GLIS3: variants seen among roughly 807,000 people sequenced by gnomAD.
The protein encoded by GLIS3 is zinc finger protein GLIS3.
Under a neutral mutation model 78.6 loss-of-function variants are expected in GLIS3, and 53 were observed. The observed-to-expected ratio is 0.67, with a 90% CI of 0.54 to 0.85. GLIS3 has a LOEUF of 0.85. GLIS3 is among the 40% of genes least tolerant of loss of function. GLIS3 has a pLI of 0.00. For missense variants in GLIS3, 1,703 were observed against 1,231.1 expected, an observed-to-expected ratio of 1.38 and a Z score of -5.74; for synonymous variants, 684 against 509.9, an observed-to-expected ratio of 1.34 and a Z score of -4.60.
At chr9:3,845,332 G>T (rs376615676) in intron 9 of GLIS3, among the ~76,000 whole-genome samples, 2 of 152,076 alleles carry the variant, frequency 1.3e-5, no homozygotes, top group Non-Finnish European at 2.9e-5. Context: ...GGTGCAGAAC[G>T]TGAGGCCATT....
the GLIS3 span, among the ~76,000 whole-genome samples, chr9:4,435,675 C>CT: frequency 6.6e-6 from 1 of 152,188 alleles, no homozygotes; most frequent in Non-Finnish European, 1.5e-5. Flanking sequence ...CTAGGCCAGG[C>CT]GCGGTGGCTC....
At position 3,937,160 on chromosome 9, in the gene GLIS3, C is replaced by A; in HGVS notation, c.1740G>T (p.Arg580Ser). ...GCAAGTGGATCTTGAGATTTTCAAG[C>A]CTTGAAAAGGCCTTCTCGCAACCTT... ...TFEGCEKAFS[R>S]LENLKIHLRS... Residue 580 changes from arginine to serine, a missense_variant, in exon 5 of 11, where the codon AGG becomes AGT. Coordinates refer to ENST00000381971, the MANE Select transcript of GLIS3 (RefSeq NM_001042413.2). The A allele has an allele frequency of 6.2e-7, 1 of 1,614,076 alleles. No homozygotes were observed. The highest frequency in any genetic ancestry group is 8.5e-7 in the Non-Finnish European group (1 of 1,180,016).
intron 6 of GLIS3, among the ~76,000 whole-genome samples, chr9:3,915,750 G>A (rs1824467653): frequency 6.6e-6 from 1 of 152,170 alleles, no homozygotes; most frequent in South Asian, 2.1e-4. Context: ...GACATGGCAG[G>A]AAGCTAGTAC....
Position 4,299,549 on chromosome 9 carries a change from C to T in GLIS3, c.-227G>A, listed in dbSNP as rs921984261. On this transcript the variant is annotated 5_prime_UTR_variant, in exon 1 of 11. Transcript: ENST00000381971. ...GGGGCTCCAGCCCTTCAGAGCGCTC[C>T]GCGGGCTGTGCCTCCTTCGGAAATG... The T allele has an allele frequency of 4.6e-5, 7 of 152,608 alleles. No individual in the cohort carries two copies. Among genetic ancestry groups the T allele is most frequent in the Non-Finnish European group, 7.3e-5 (5 of 68,038 alleles). The allele number at this position is 152,608 out of a possible 1,614,324, so 9.5% of individuals were successfully genotyped here. A position where few individuals can be genotyped will look rare whatever the true frequency, so the allele number is the denominator to read the frequency against.
At chr9:4,246,598 A>G (rs999926727) in intron 2 of GLIS3, among the ~76,000 whole-genome samples, 2 of 152,166 alleles carry the variant, frequency 1.3e-5, no homozygotes, top group African/African-American at 2.4e-5. Flanking sequence ...GCAGCAAAGC[A>G]TTTTCCAAAC....
intron 4 of GLIS3, among the ~76,000 whole-genome samples, chr9:4,019,558 G>C (rs1822706088): frequency 6.6e-6 from 1 of 152,078 alleles, no homozygotes. Context: ...GCAGTGGAGA[G>C]GAAAGGCAGG....
chr9:4,092,281 A>G (rs1038300663), intron 4 of GLIS3, among the ~76,000 whole-genome samples: 1 of 151,680 alleles, frequency 6.6e-6, no homozygotes, highest in South Asian at 2.1e-4. Context: ...CCTCCCGAGT[A>G]GCTGGGACTA....
chr9:4,315,854 T>C (rs1817430231), intron 2 of GLIS3, among the ~76,000 whole-genome samples: 1 of 152,118 alleles, frequency 6.6e-6, no homozygotes, highest in Non-Finnish European at 1.5e-5. Flanking sequence ...GGACATGTTC[T>C]TCCAGGTATG....
At chr9:4,088,913 C>A (rs1829264990) in intron 4 of GLIS3, among the ~76,000 whole-genome samples, 1 of 152,236 alleles carries the variant, frequency 6.6e-6, no homozygotes, top group African/African-American at 2.4e-5. Context: ...CCCCAAAAGG[C>A]CTGTCTTCAT....
intron 2 of GLIS3, among the ~76,000 whole-genome samples, chr9:4,326,779 G>A (rs1817606507): frequency 6.6e-6 from 1 of 152,084 alleles, no homozygotes; most frequent in African/African-American, 2.4e-5. Context: ...TGGAAACATA[G>A]GCTGGAAGTG....
chr9:4,325,672 T>C (rs948569691), intron 2 of GLIS3, among the ~76,000 whole-genome samples: 32 of 152,224 alleles, frequency 2.1e-4, no homozygotes, highest in African/African-American at 6.5e-4. Flanking sequence ...ACCTAGAGTT[T>C]GAGCCAAAAT....
chr9:4,292,385 A>C (rs1816074053), intron 1 of GLIS3, among the ~76,000 whole-genome samples: 1 of 152,174 alleles, frequency 6.6e-6, no homozygotes, highest in African/African-American at 2.4e-5. Context: ...GGTAAGACAA[A>C]AAATATATTG....
intron 4 of GLIS3, among the ~76,000 whole-genome samples, chr9:4,084,730 A>T (rs1030652129): frequency 2.0e-5 from 3 of 152,166 alleles, no homozygotes; most frequent in Non-Finnish European, 4.4e-5. Flanking sequence ...CTGCGCTTCA[A>T]GCTCCGAGCT....
At chr9:3,995,867 T>TA (rs1394904502) in intron 4 of GLIS3, among the ~76,000 whole-genome samples, 1 of 152,056 alleles carries the variant, frequency 6.6e-6, no homozygotes, top group Non-Finnish European at 1.5e-5. Flanking sequence ...GAGGTGATAA[T>TA]ACAGTGATGG....
At chr9:4,324,356 A>G (rs1817573494) in intron 2 of GLIS3, among the ~76,000 whole-genome samples, 2 of 152,190 alleles carry the variant, frequency 1.3e-5, no homozygotes, top group African/African-American at 2.4e-5. Context: ...GTCATCTTAG[A>G]TAAGTTACTT....
At chr9:4,048,726 A>T (rs1299941767) in intron 4 of GLIS3, among the ~76,000 whole-genome samples, 3 of 152,136 alleles carry the variant, frequency 2.0e-5, no homozygotes, top group African/African-American at 7.2e-5. Context: ...TTTTCTCAGT[A>T]ATTTCACCCC....
At chr9:4,185,799 C>A (rs1285988211) in intron 2 of GLIS3, among the ~76,000 whole-genome samples, 1 of 152,148 alleles carries the variant, frequency 6.6e-6, no homozygotes, top group East Asian at 1.9e-4. Context: ...TCACTCTTCT[C>A]CTTTCATTTG....
intron 9 of GLIS3, among the ~76,000 whole-genome samples, chr9:3,833,964 T>A (rs1049864206): frequency 6.6e-6 from 1 of 152,192 alleles, no homozygotes; most frequent in African/African-American, 2.4e-5. Context: ...AGGCTAATTA[T>A]AAACTAGAAA....
chr9:4,191,601 T>C (rs992587089), intron 2 of GLIS3, among the ~76,000 whole-genome samples: 1 of 152,332 alleles, frequency 6.6e-6, no homozygotes, highest in African/African-American at 2.4e-5. Flanking sequence ...TTCATTCTTA[T>C]TAACTTCATT....
Sources: gnomAD v4.1 joint callset for allele counts (sites outside exome capture counted in the v4.1 genomes callset) on GRCh38, gnomAD v4.1.1 for gene constraint, MANE v1.5 for transcripts, NCBI Gene and HGNC (gene_info 2026-07-23, HGNC 2026-07-21) for gene names.